Variants in CEP135 observed in about 807,000 individuals in gnomAD.
The protein encoded by CEP135 is centrosomal protein 135.
A neutral mutation model predicts 157.3 loss-of-function variants in CEP135; 142 were observed. The observed-to-expected ratio is 0.90, with a 90% CI of 0.79 to 1.04. The LOEUF (loss-of-function observed/expected upper bound fraction) is 1.04, where lower values mean the gene tolerates loss of function less well. Among genes scored for constraint, CEP135 ranks in the 50% least tolerant of loss-of-function variants. CEP135 has a pLI of 0.00. For missense variants in CEP135, 1,317 were observed against 1,309.2 expected, an observed-to-expected ratio of 1.01 and a Z score of -0.09; for synonymous variants, 396 against 439.8, an observed-to-expected ratio of 0.90 and a Z score of 1.25.
Position 56,031,478 on chromosome 4 carries a change from CTT to C in CEP135, c.*133_*134del, listed in dbSNP as rs1731349598. 4 of 152,472 alleles carry C rather than the reference CTT, an allele frequency of 2.6e-5. No homozygotes were observed. The South Asian group carries it at 8.3e-4, about 32-fold the overall frequency. 9.4% of individuals were successfully genotyped at this position (152,472 alleles called of 1,614,324 possible). On this transcript the variant is annotated 3_prime_UTR_variant, in exon 26 of 26. Transcript: ENST00000257287. ...TGGACACAAATTCTACCTCTGTCAA[CTT>C]TTATTTAAATCAGTGAATATGTTAA...
chr4:55,974,610 G>T lies in CEP135; in HGVS notation c.1250-136G>T, dbSNP rs547378018. 39 of 600,600 alleles carry T rather than the reference G, an allele frequency of 6.5e-5. No homozygotes were observed. The African/African-American group carries it at 6.6e-4, about 10-fold the overall frequency. The allele number at this position is 600,600 out of a possible 1,614,324, so 37.2% of individuals were successfully genotyped here. A position where few individuals can be genotyped will look rare whatever the true frequency, so the allele number is the denominator to read the frequency against. On this transcript the variant is annotated intron_variant, in intron 10 of 25. Coordinates refer to ENST00000257287, the MANE Select transcript of CEP135 (RefSeq NM_025009.5). The stretch of plus-strand genomic sequence containing the variant: ...CAATATTTACCTCTTCAATAGATTT[G>T]GTACCTACAGGTGTTATGTAGAACA...
intron 11 of CEP135, among the ~76,000 whole-genome samples, chr4:55,975,334 G>A (rs1183591950): frequency 6.6e-6 from 1 of 152,186 alleles, no homozygotes; most frequent in Non-Finnish European, 1.5e-5. Flanking sequence ...TGCATGGCAG[G>A]CAACATGGTT....
chr4:55,955,151 G>A (rs1250299771), intron 4 of CEP135, among the ~76,000 whole-genome samples: 7 of 152,108 alleles, frequency 4.6e-5, no homozygotes, highest in Non-Finnish European at 7.4e-5. Flanking sequence ...GTTGGTGGTA[G>A]AATCTACAAT....
chr4:56,000,704 T>C (rs187327587), intron 17 of CEP135, among the ~76,000 whole-genome samples: 81 of 152,364 alleles, frequency 5.3e-4, no homozygotes, highest in African/African-American at 1.9e-3. Flanking sequence ...ATTTCCTGTG[T>C]ATATATACCG....
intron 25 of CEP135, among the ~76,000 whole-genome samples, chr4:56,025,965 T>G (rs992762839): frequency 1.3e-5 from 2 of 150,692 alleles, no homozygotes; most frequent in Non-Finnish European, 2.9e-5. Context: ...TCCCAGCACT[T>G]TGGGAGGCCG....
At chr4:55,956,262 G>T (rs777448287) in intron 4 of CEP135, among the ~76,000 whole-genome samples, 2 of 152,140 alleles carry the variant, frequency 1.3e-5, no homozygotes, top group Non-Finnish European at 2.9e-5. Context: ...TGTGGATTAT[G>T]TTTGTTCTTC....
chr4:55,950,850 T>C (rs1728342255), intron 1 of CEP135, among the ~76,000 whole-genome samples: 1 of 152,198 alleles, frequency 6.6e-6, no homozygotes, highest in African/African-American at 2.4e-5. Flanking sequence ...TGTATACACT[T>C]GTGTAACCAC....
At chr4:55,970,727 A>C (rs970694825) in intron 9 of CEP135, among the ~76,000 whole-genome samples, 2 of 152,144 alleles carry the variant, frequency 1.3e-5, no homozygotes, top group African/African-American at 4.8e-5. Context: ...TGTATTTTTG[A>C]GATAAGAATG....
At chr4:56,018,663 C>T (rs1316176008) in intron 22 of CEP135, among the ~76,000 whole-genome samples, 1 of 151,792 alleles carries the variant, frequency 6.6e-6, no homozygotes, top group African/African-American at 2.4e-5. Flanking sequence ...GAGGCTGAGG[C>T]AGGGAAGGTT....
rs376925344 is a variant in CEP135, at chr4:55,953,190, T to G, written c.219T>G (p.Leu73=). 1 of 1,606,552 alleles carries G rather than the reference T, an allele frequency of 6.2e-7. No individual in the cohort carries two copies. The highest frequency in any genetic ancestry group is 1.3e-5 in the African/African-American group (1 of 74,566). Residue 73 remains leucine, a synonymous_variant, in exon 3 of 26, where the codon CTT becomes CTG. Coordinates refer to ENST00000257287, the MANE Select transcript of CEP135 (RefSeq NM_025009.5). Reference sequence around the variant, plus strand: ...ATTTTGTTTTGGAACCCTATAAACTTGAAAATGCAAGATTGAGTAGAGAAA... The same window carrying G: ...ATTTTGTTTTGGAACCCTATAAACTGGAAAATGCAAGATTGAGTAGAGAAA... ...NFDFVLEPYK[L]ENARLSRENN...
At chr4:56,014,426 C>A (rs1209363154) in intron 21 of CEP135, among the ~76,000 whole-genome samples, 1 of 152,162 alleles carries the variant, frequency 6.6e-6, no homozygotes, top group Non-Finnish European at 1.5e-5. Flanking sequence ...GTAAAGAAAA[C>A]TTCTATTATT....
rs201733608 is a variant in CEP135 at position 56,020,708 on chromosome 4, G to A, written c.3248G>A (p.Arg1083Gln). 4 of 1,613,466 alleles carry A rather than the reference G, an allele frequency of 2.5e-6. No individual in the cohort carries two copies. The highest frequency in any genetic ancestry group is 1.6e-4 in the Middle Eastern group (1 of 6,080). The change falls in exon 24 of 26, where the codon CGA becomes CAA. Residue 1083 changes from arginine to glutamine, a missense_variant. By Grantham distance (43) the Arg-to-Gln change is conservative. Coordinates refer to ENST00000257287, the MANE Select transcript of CEP135 (RefSeq NM_025009.5). The part of the protein sequence containing the change: ...TSQSRENTML[R>Q]AKVAQLQTDY... ...CAAAGCCGGGAAAACACCATGCTTC[G>A]AGCTAAAGTGGCACAGTTACAAACA... is the stretch of plus-strand genomic sequence containing the variant.
At chr4:56,029,607 A>T (rs1046820239) in intron 25 of CEP135, among the ~76,000 whole-genome samples, 2 of 152,208 alleles carry the variant, frequency 1.3e-5, no homozygotes, top group Non-Finnish European at 2.9e-5. Flanking sequence ...CATAGAATGT[A>T]TGTACTTACA....
In CEP135 at chr4:55,952,221, C is replaced by T. The variant is rs750389383; in HGVS notation, c.91C>T (p.Pro31Ser). 1 of 1,611,366 alleles carries T rather than the reference C, an allele frequency of 6.2e-7. No individual in the cohort carries two copies. Among genetic ancestry groups the T allele is most frequent in the Admixed American group, 1.7e-5 (1 of 59,968 alleles). Residue 31 changes from proline (P) to serine (S), a missense_variant, in exon 2 of 26, where the codon CCT becomes TCT. Pro to Ser is a moderately conservative substitution (Grantham distance 74, BLOSUM62 -1). Transcript: ENST00000257287. ...CCAGACTCTGACAGTGGAGTGTTTA[C>T]CTTTGGTAGAAAAACTTTTCAGGTA... is the stretch of plus-strand genomic sequence containing the variant. The part of the protein sequence containing the change: ...YRQTLTVECL[P>S]LVEKLFSDLV...
At chr4:55,973,801 C>T (rs1004846283) in intron 10 of CEP135, among the ~76,000 whole-genome samples, 2 of 152,112 alleles carry the variant, frequency 1.3e-5, no homozygotes, top group Non-Finnish European at 2.9e-5. Context: ...CTCCTCAGTC[C>T]ACTCCAGTTG....
At chr4:55,984,356 A>G (rs1238135588) in intron 13 of CEP135, among the ~76,000 whole-genome samples, 1 of 152,076 alleles carries the variant, frequency 6.6e-6, no homozygotes, top group African/African-American at 2.4e-5. Flanking sequence ...GCCAAACATC[A>G]TGTCTTTTGA....
chr4:55,971,190 T>A, intron 9 of CEP135, 80 bp from the exon 10 acceptor site: 1 of 1,081,968 alleles, frequency 9.2e-7, no homozygotes, highest in Non-Finnish European at 1.3e-6. Context: ...TATATAAATG[T>A]GCTTATAAAA....
At chr4:55,995,129 ATCTG>A (rs1729927072) in intron 15 of CEP135, among the ~76,000 whole-genome samples, 1 of 152,218 alleles carries the variant, frequency 6.6e-6, no homozygotes, top group African/African-American at 2.4e-5. Context: ...ATTTAATGAG[ATCTG>A]GCATTTTATA....
rs1223136255 is a variant in CEP135 at position 55,965,737 on chromosome 4, T to G, written c.922T>G (p.Leu308Val). The G allele has an allele frequency of 6.2e-6, 10 of 1,613,838 alleles. No individual in the cohort carries two copies. The highest frequency in any genetic ancestry group is 8.5e-6 in the Non-Finnish European group (10 of 1,179,854). The change falls in exon 8 of 26, where the codon TTA (leucine) becomes GTA (valine). Residue 308 changes from leucine (L) to valine (V), a missense_variant. Coordinates refer to ENST00000257287, the MANE Select transcript of CEP135 (RefSeq NM_025009.5). ...KETVTSEVVN[L>V]SNKNEKLCQE... ...AACAGTGACATCTGAAGTCGTTAAT[T>G]TAAGTAACAAAAATGAAAAACTCTG... is the stretch of plus-strand genomic sequence containing the variant.
Sources: gnomAD v4.1 joint callset for allele counts (sites outside exome capture counted in the v4.1 genomes callset) on GRCh38, gnomAD v4.1.1 for gene constraint, MANE v1.5 for transcripts, NCBI Gene and HGNC (gene_info 2026-07-23, HGNC 2026-07-21) for gene names.